SLC9A2: variants seen among roughly 807,000 people sequenced by gnomAD.
SLC9A2 encodes the protein sodium/hydrogen exchanger 2.
A neutral mutation model predicts 71.7 loss-of-function variants in SLC9A2; 42 were observed. That is an observed-to-expected ratio of 0.59 (90% CI 0.46 to 0.76). The LOEUF is 0.76. Among genes scored for constraint, SLC9A2 ranks in the 30% least tolerant of loss-of-function variants. The pLI is 0.00. For synonymous variants in SLC9A2, 396 were observed against 392.5 expected, an observed-to-expected ratio of 1.01 and a Z score of -0.10; for missense variants, 829 against 1,017.4, an observed-to-expected ratio of 0.81 and a Z score of 2.52.
intron 2 of SLC9A2, among the ~76,000 whole-genome samples, chr2:102,660,548 T>G (rs2104522209): frequency 6.6e-6 from 1 of 152,308 alleles, no homozygotes; most frequent in African/African-American, 2.4e-5. Flanking sequence ...AGAACAATGG[T>G]GTCAAAAATT....
chr2:102,642,117 A>G (rs1365647387), intron 1 of SLC9A2, among the ~76,000 whole-genome samples: 2 of 152,134 alleles, frequency 1.3e-5, no homozygotes, highest in East Asian at 3.8e-4. Flanking sequence ...AACATAAGTT[A>G]TTTATCAATT....
chr2:102,650,919 A>G (rs564824784), intron 1 of SLC9A2, among the ~76,000 whole-genome samples: 3 of 152,256 alleles, frequency 2.0e-5, no homozygotes, highest in East Asian at 1.9e-4. Flanking sequence ...GCTCCATGGT[A>G]TGTTTTAAGG....
At chr2:102,687,976 C>T (rs768260976) in intron 5 of SLC9A2, among the ~76,000 whole-genome samples, 15 of 151,982 alleles carry the variant, frequency 9.9e-5, no homozygotes, top group Non-Finnish European at 1.5e-4. Context: ...GATGCGGTTT[C>T]GCTGTGTTCG....
At chr2:102,669,185 G>A (rs1677198624) in intron 3 of SLC9A2, among the ~76,000 whole-genome samples, 1 of 152,198 alleles carries the variant, frequency 6.6e-6, no homozygotes, top group Non-Finnish European at 1.5e-5. Flanking sequence ...AAATAATGAG[G>A]TGAAATCTTC....
At chr2:102,680,157 C>T (rs577588279) in intron 3 of SLC9A2, among the ~76,000 whole-genome samples, 3 of 134,068 alleles carry the variant, frequency 2.2e-5, no homozygotes, top group Non-Finnish European at 5.2e-5. Flanking sequence ...TACTTGGCAA[C>T]ATTTTTTTTT....
chr2:102,653,762 T>C (rs1230690827), intron 1 of SLC9A2, among the ~76,000 whole-genome samples: 1 of 152,234 alleles, frequency 6.6e-6, no homozygotes, highest in Admixed American at 6.5e-5. Flanking sequence ...AATGGGAGTC[T>C]CCAAAACCAG....
At chr2:102,634,941 CT>C (rs1676440192) in intron 1 of SLC9A2, among the ~76,000 whole-genome samples, 1 of 152,274 alleles carries the variant, frequency 6.6e-6, no homozygotes, top group Middle Eastern at 3.4e-3. Context: ...AAGCCCAGAG[CT>C]TCTGGGTCTC....
intron 2 of SLC9A2, among the ~76,000 whole-genome samples, chr2:102,664,633 T>G (rs1677101582): frequency 6.6e-6 from 1 of 152,226 alleles, no homozygotes; most frequent in African/African-American, 2.4e-5. Context: ...GTACCTGTCC[T>G]GATGCGTAGG....
chr2:102,624,464 C>G (rs1161577225), intron 1 of SLC9A2, among the ~76,000 whole-genome samples: 2 of 152,142 alleles, frequency 1.3e-5, no homozygotes, highest in East Asian at 3.9e-4. Flanking sequence ...AAGATTGCCT[C>G]CTCTGATTTC....
chr2:102,668,010 G>GT (rs1288848791), intron 3 of SLC9A2, among the ~76,000 whole-genome samples: 5 of 152,050 alleles, frequency 3.3e-5, no homozygotes, highest in Non-Finnish European at 7.4e-5. Flanking sequence ...GGAAGTGGAG[G>GT]TTGCAGTGAG....
At chr2:102,644,641 G>A (rs1676681156) in intron 1 of SLC9A2, among the ~76,000 whole-genome samples, 1 of 152,162 alleles carries the variant, frequency 6.6e-6, no homozygotes, top group South Asian at 2.1e-4. Flanking sequence ...AGGGGTACCT[G>A]CCATTACTGA....
chr2:102,628,346 G>T (rs1327058994), intron 1 of SLC9A2, among the ~76,000 whole-genome samples: 1 of 152,098 alleles, frequency 6.6e-6, no homozygotes, highest in African/African-American at 2.4e-5. Flanking sequence ...GATAAAACTG[G>T]AATGATGACT....
At chr2:102,649,581 G>A (rs1329423340) in intron 1 of SLC9A2, among the ~76,000 whole-genome samples, 2 of 151,986 alleles carry the variant, frequency 1.3e-5, no homozygotes, top group Non-Finnish European at 2.9e-5. Context: ...ATCTGACAAA[G>A]GTCTATTATC....
At chr2:102,679,236 T>C (rs17027736) in intron 3 of SLC9A2, among the ~76,000 whole-genome samples, 8,670 of 152,190 alleles carry the variant, frequency 0.057, 468 homozygotes, top group African/African-American at 0.14. Flanking sequence ...GGTAGGAAAC[T>C]TCACTGAGTT....
intron 1 of SLC9A2, among the ~76,000 whole-genome samples, chr2:102,656,280 A>G (rs998676938): frequency 6.6e-6 from 1 of 152,136 alleles, no homozygotes; most frequent in Non-Finnish European, 1.5e-5. Context: ...CTCTGTTTTA[A>G]AGCCACATGG....
intron 1 of SLC9A2, among the ~76,000 whole-genome samples, chr2:102,641,573 C>G (rs192131808): frequency 6.6e-6 from 1 of 151,822 alleles, no homozygotes; most frequent in Non-Finnish European, 1.5e-5. Flanking sequence ...GCCCCTCCCC[C>G]ACAGGGAAGA....
At chr2:102,640,180 C>A (rs1018571550) in intron 1 of SLC9A2, among the ~76,000 whole-genome samples, 6 of 152,300 alleles carry the variant, frequency 3.9e-5, no homozygotes, top group African/African-American at 1.4e-4. Context: ...AGGTTAAGAG[C>A]CTTTTTCTTT....
intron 1 of SLC9A2, among the ~76,000 whole-genome samples, chr2:102,643,701 G>T (rs1450853811): frequency 6.6e-6 from 1 of 152,116 alleles, no homozygotes; most frequent in Non-Finnish European, 1.5e-5. Context: ...AAAGAAAAAT[G>T]CATCTACTCC....
At chr2:102,664,966 A>G (rs1677105954) in intron 2 of SLC9A2, 134 bp from the exon 3 acceptor site, 3 of 926,942 alleles carry the variant, frequency 3.2e-6, no homozygotes, top group South Asian at 3.3e-5. Flanking sequence ...TGAATACACA[A>G]TGATTGTCAT....
Sources: allele counts gnomAD v4.1 joint callset (sites outside exome capture counted in the v4.1 genomes callset), GRCh38; gene constraint gnomAD v4.1.1; transcripts MANE v1.5; gene names NCBI Gene and HGNC (gene_info 2026-07-23, HGNC 2026-07-21).